CELF2: variants seen among roughly 807,000 people sequenced by gnomAD.
CELF2 encodes CUG triplet repeat RNA-binding protein 2.
CELF2 carries 8 observed loss-of-function variants against 62.6 expected under a neutral mutation model. That is an observed-to-expected ratio of 0.13 (90% CI 0.07 to 0.23). The LOEUF is 0.23. Ranked by LOEUF, CELF2 falls within the 10% of genes least tolerant of loss-of-function variation. The pLI is 1.00. For missense variants in CELF2, 333 were observed against 671.0 expected (o/e 0.50, Z 5.56); for synonymous variants, 258 against 250.0 (o/e 1.03, Z -0.30).
At chr10:10,490,149 A>T in the CELF2 span, among the ~76,000 whole-genome samples, 1 of 152,186 alleles carries the variant, frequency 6.6e-6, no homozygotes, top group South Asian at 2.1e-4. Flanking sequence ...CATTTGTAAC[A>T]GTAACAGAAC....
At chr10:10,673,814 C>T in the CELF2 span, among the ~76,000 whole-genome samples, 4 of 152,220 alleles carry the variant, frequency 2.6e-5, no homozygotes, top group African/African-American at 9.6e-5. Flanking sequence ...TTTTTAATCT[C>T]CACATAGCTT....
In CELF2 at chr10:11,335,386, T is replaced by G. The variant is rs1017423783; in HGVS notation, c.*6333T>G. The G allele has an allele frequency of 2.0e-5, 3 of 152,408 alleles. No individual in the cohort carries two copies. Among genetic ancestry groups the G allele is most frequent in the Non-Finnish European group, 4.4e-5 (3 of 68,172 alleles). 9.4% of individuals were successfully genotyped at this position (152,408 alleles called of 1,614,324 possible). A position where few individuals can be genotyped will look rare whatever the true frequency, so the allele number is the denominator to read the frequency against. On this transcript the variant is annotated 3_prime_UTR_variant, in exon 13 of 13. Coordinates refer to ENST00000633077, the MANE Select transcript of CELF2 (RefSeq NM_001326342.2). The surrounding 1 kb of genome is among the most constrained non-coding windows in gnomAD (Gnocchi z 5.0). ...CAGGCCACCCAGCACCTGGCAGCCT[T>G]CCTCTGCGTGCCAGTGAAATCTCTC... is the stretch of plus-strand genomic sequence containing the variant.
chr10:11,278,521 GGAGTAAGAGAAAGT>G (rs1275377880), intron 8 of CELF2, among the ~76,000 whole-genome samples: 2 of 152,202 alleles, frequency 1.3e-5, no homozygotes, highest in African/African-American at 4.8e-5. Flanking sequence ...AAAGAGAAAG[GGAGTAAGAGAAAGT>G]GTCTTCTCTG....
Position 11,178,688 on chromosome 10 carries a change from G to A in CELF2, c.271+13006G>A, listed in dbSNP as rs886847053. Among the ~76,000 whole-genome samples the A allele has an allele frequency of 6.6e-6, 1 of 152,162 alleles. No homozygotes were observed. The highest frequency in any genetic ancestry group is 1.5e-5 in the Non-Finnish European group (1 of 68,006). On this transcript the variant is annotated intron_variant, in intron 2 of 12. Transcript: ENST00000633077. The surrounding 1 kb of genome is among the most constrained non-coding windows in gnomAD (Gnocchi z 4.3). ...CTTCGTCAAATGGCAGAGTTTGATT[G>A]TTTAACCTAGACTAATCAGTCTTTG...
the CELF2 span, among the ~76,000 whole-genome samples, chr10:10,528,884 AC>A: frequency 6.6e-6 from 1 of 152,224 alleles, no homozygotes; most frequent in Admixed American, 6.5e-5. Context: ...GCGATTATTT[AC>A]CAGGAGTAGC....
intron 2 of CELF2, among the ~76,000 whole-genome samples, chr10:10,964,474 C>A (rs1237817472): frequency 6.6e-6 from 1 of 152,142 alleles, no homozygotes; most frequent in Non-Finnish European, 1.5e-5. Flanking sequence ...GAATTAATGA[C>A]CACCAAAAGT....
chr10:10,913,987 G>A (rs903299606), intron 1 of CELF2, among the ~76,000 whole-genome samples: 1 of 151,028 alleles, frequency 6.6e-6, no homozygotes, highest in African/African-American at 2.4e-5. Context: ...AAAGGGAAGG[G>A]GAAGAGAGGG....
intron 1 of CELF2, among the ~76,000 whole-genome samples, chr10:10,916,558 C>T (rs7907344): frequency 0.47 from 71,278 of 151,964 alleles, 17,618 homozygotes; most frequent in South Asian, 0.57. Context: ...GAATAAAGTT[C>T]TGCATTGTCT....
intron 2 of CELF2, among the ~76,000 whole-genome samples, chr10:10,991,501 C>T (rs1345590640): frequency 6.6e-6 from 1 of 152,074 alleles, no homozygotes; most frequent in Non-Finnish European, 1.5e-5. Context: ...CTGCCTGTCC[C>T]CAACAAATCC....
rs181457867 is a variant in CELF2 at position 10,856,604 on chromosome 10, C to T, written c.53+57787C>T. On this transcript the variant is annotated intron_variant, in intron 1 of 13. Transcript: ENST00000636488. The stretch of plus-strand genomic sequence containing the variant: ...AATATTTTTTACTTTATTATTCTGT[C>T]TTCGTTAGCATCTTTGTTAAACGTT... Among the ~76,000 whole-genome samples, 8 of 152,262 alleles carry T rather than the reference C, an allele frequency of 5.3e-5. No individual in the cohort carries two copies. In the East Asian group the frequency reaches 1.5e-3, roughly 29 times the overall value.
At chr10:10,882,194 TGTCTTATAACATTCTTATAATCA>T (rs2061482827) in intron 1 of CELF2, among the ~76,000 whole-genome samples, 1 of 152,220 alleles carries the variant, frequency 6.6e-6, no homozygotes, top group South Asian at 2.1e-4. Context: ...CTTGTAATCA[TGTCTTATAACATTCTTATAATCA>T]GTCTTATAAC....
At chr10:10,742,426 C>A in the CELF2 span, among the ~76,000 whole-genome samples, 1 of 151,912 alleles carries the variant, frequency 6.6e-6, no homozygotes, top group Non-Finnish European at 1.5e-5. Context: ...CTCAGGGGTT[C>A]AAGAACAGCC....
chr10:10,582,155 T>C, the CELF2 span, among the ~76,000 whole-genome samples: 6 of 152,214 alleles, frequency 3.9e-5, no homozygotes, highest in East Asian at 1.2e-3. Flanking sequence ...TTTCCTATCA[T>C]ACTTTCTATC....
At chr10:11,250,544 C>T (rs2076832452) in intron 4 of CELF2, among the ~76,000 whole-genome samples, 1 of 152,164 alleles carries the variant, frequency 6.6e-6, no homozygotes, top group Admixed American at 6.5e-5. Flanking sequence ...CTCCTGTAGT[C>T]AGCAGTTGTT....
chr10:11,221,902 T>C (rs2064985666), intron 3 of CELF2, among the ~76,000 whole-genome samples: 1 of 152,220 alleles, frequency 6.6e-6, no homozygotes, highest in Non-Finnish European at 1.5e-5. Context: ...CAATAACCCA[T>C]GCAAGGTGAG....
chr10:11,021,085 C>T (rs1043597232), intron 1 of CELF2, among the ~76,000 whole-genome samples: 4 of 151,992 alleles, frequency 2.6e-5, no homozygotes, highest in South Asian at 4.2e-4. Flanking sequence ...GAGAGTGTTT[C>T]CTCCTTTGAT....
chr10:10,618,444 C>A, the CELF2 span, among the ~76,000 whole-genome samples: 3 of 152,088 alleles, frequency 2.0e-5, no homozygotes, highest in African/African-American at 7.3e-5. Context: ...CTGATGAAAT[C>A]TCACTTTTCT....
chr10:10,721,168 A>T, the CELF2 span, among the ~76,000 whole-genome samples: 268 of 152,350 alleles, frequency 1.8e-3, 2 homozygotes, highest in African/African-American at 6.2e-3. Flanking sequence ...GTCACATGCA[A>T]CTGCTTTTGA....
Position 11,156,746 on chromosome 10 carries a change from C to T in CELF2, c.75-8740C>T, listed in dbSNP as rs543187846. ...CCGTGAATCGCTGTTTCTGAGGTTC[C>T]GCGGTCAGAGAAGGGAAAGGCCAGA... On this transcript the variant is annotated intron_variant, in intron 1 of 12. Transcript: ENST00000633077. This position sits in a 1 kb window ranked among gnomAD's most constrained non-coding sequence, Gnocchi z 4.3. 9.1e-4 allele frequency among the ~76,000 whole-genome samples: 138 copies of T among 152,204 alleles called. 1 individual carries two copies. The highest frequency in any genetic ancestry group is 3.0e-3 in the African/African-American group (125 of 41,536).
Sources: allele counts gnomAD v4.1 joint callset (sites outside exome capture counted in the v4.1 genomes callset), GRCh38; gene constraint gnomAD v4.1.1; non-coding constraint Gnocchi (gnomAD v3.1); transcripts MANE v1.5; gene names NCBI Gene and HGNC (gene_info 2026-07-23, HGNC 2026-07-21).